The following ODAD2 variants were observed in gnomAD, a reference collection of about 807,000 sequenced individuals.
ODAD2 encodes outer dynein arm-docking complex subunit 2.
ODAD2 carries 89 observed loss-of-function variants against 106.8 expected under a neutral mutation model. That is an observed-to-expected ratio of 0.83 (90% CI 0.70 to 0.99). ODAD2 has a LOEUF of 0.99. Among genes scored for constraint, ODAD2 ranks in the 50% least tolerant of loss-of-function variants. The pLI is 0.00. For synonymous variants in ODAD2, 404 were observed against 436.2 expected (o/e 0.93, Z 0.92); for missense variants, 1,168 against 1,238.5 (o/e 0.94, Z 0.85).
chr10:27,882,350 A>T lies in ODAD2; in HGVS notation c.2611-19728T>A, dbSNP rs1841805808. ...TTTTAATGTGTAGCCAGGGTAGAGGATTACCTATCTGGATAATTTCTAAAA... is the reference window on the plus strand; with the variant it reads ...TTTTAATGTGTAGCCAGGGTAGAGGTTTACCTATCTGGATAATTTCTAAAA... On this transcript the variant is annotated intron_variant, in intron 17 of 19. Coordinates refer to ENST00000305242, the MANE Select transcript of ODAD2 (RefSeq NM_018076.5). 2.6e-5 allele frequency among the ~76,000 whole-genome samples: 4 copies of T among 151,996 alleles called. No individual in the cohort carries two copies. In the South Asian group the frequency reaches 8.3e-4, roughly 31 times the overall value.
intron 17 of ODAD2, among the ~76,000 whole-genome samples, chr10:27,902,003 A>G (rs1266405081): frequency 1.3e-5 from 2 of 152,208 alleles, no homozygotes; most frequent in Admixed American, 1.3e-4. Flanking sequence ...CAGAATATAC[A>G]TTCTTCTCAG....
At position 27,864,590 on chromosome 10, in the gene ODAD2, G is replaced by T. The variant is rs994705358; in HGVS notation, c.2611-1968C>A. On this transcript the variant is annotated intron_variant, in intron 17 of 19. Coordinates refer to ENST00000305242, the MANE Select transcript of ODAD2 (RefSeq NM_018076.5). ...GAGTGAGGTGAGAATGGGGAGTGAG[G>T]TGAGAGTGGGGAGTGAGGTGAGAGT... is the stretch of plus-strand genomic sequence containing the variant. 2.7e-5 allele frequency among the ~76,000 whole-genome samples: 4 copies of T among 150,714 alleles called. No individual in the cohort carries two copies. The East Asian group carries it at 8.0e-4, about 30-fold the overall frequency.
At chr10:27,885,714 T>TTA (rs1285456841) in intron 17 of ODAD2, among the ~76,000 whole-genome samples, 2 of 57,868 alleles carry the variant, frequency 3.5e-5, no homozygotes, top group Non-Finnish European at 3.0e-5. Context: ...AAAATATATA[T>TTA]TATATATTAT....
intron 17 of ODAD2, among the ~76,000 whole-genome samples, chr10:27,906,090 T>C (rs865968526): frequency 2.0e-5 from 3 of 152,082 alleles, no homozygotes; most frequent in Non-Finnish European, 4.4e-5. Flanking sequence ...ACCTACAGAA[T>C]GGGAAAAATT....
At chr10:27,829,342 T>C (rs1484413956) in intron 19 of ODAD2, among the ~76,000 whole-genome samples, 1 of 152,212 alleles carries the variant, frequency 6.6e-6, no homozygotes, top group Non-Finnish European at 1.5e-5. Flanking sequence ...TAACCTTAAG[T>C]GAAAGATTCT....
At chr10:27,927,654 C>T (rs1011973419) in intron 16 of ODAD2, among the ~76,000 whole-genome samples, 1 of 152,146 alleles carries the variant, frequency 6.6e-6, no homozygotes, top group Non-Finnish European at 1.5e-5. Flanking sequence ...TCTTACCAGG[C>T]CTTGCTATAG....
At chr10:27,847,007 G>C (rs906257716) in intron 19 of ODAD2, among the ~76,000 whole-genome samples, 4 of 152,106 alleles carry the variant, frequency 2.6e-5, no homozygotes, top group African/African-American at 9.7e-5. Flanking sequence ...AGGAGGAGCG[G>C]GGACCATTCC....
At chr10:27,886,556 G>A (rs2133652290) in intron 17 of ODAD2, among the ~76,000 whole-genome samples, 1 of 152,098 alleles carries the variant, frequency 6.6e-6, no homozygotes, top group East Asian at 1.9e-4. Context: ...ACAGTAACTT[G>A]AAGCCATACA....
intron 9 of ODAD2, among the ~76,000 whole-genome samples, chr10:27,962,338 T>G (rs1169469771): frequency 1.3e-5 from 2 of 152,224 alleles, no homozygotes; most frequent in Non-Finnish European, 2.9e-5. Context: ...TAGCCACATT[T>G]CAAGTGCTCA....
At chr10:27,862,294 G>A in intron 18 of ODAD2, 140 bp downstream of exon 18, 1 of 516,574 alleles carries the variant, frequency 1.9e-6, no homozygotes, top group Non-Finnish European at 3.3e-6. Context: ...AACTAAATGA[G>A]TTGACCAAAT....
At chr10:27,892,018 C>T (rs766132314) in intron 17 of ODAD2, among the ~76,000 whole-genome samples, 18 of 152,278 alleles carry the variant, frequency 1.2e-4, no homozygotes, top group Admixed American at 3.3e-4. Flanking sequence ...TAATACTGAA[C>T]ACCTGTTCAA....
chr10:27,971,413 A>G, intron 7 of ODAD2, 100 bp from the exon 8 acceptor site: 1 of 1,042,466 alleles, frequency 9.6e-7, no homozygotes, highest in South Asian at 1.7e-5. Flanking sequence ...GAAGTCTCGG[A>G]TGCATTTAAC....
chr10:27,939,295 A>G (rs868034373), intron 14 of ODAD2, among the ~76,000 whole-genome samples: 2 of 152,228 alleles, frequency 1.3e-5, no homozygotes, highest in Middle Eastern at 3.2e-3. Context: ...ACAAAGATGC[A>G]TAAGTGTCTT....
At chr10:27,959,192 AGGAGGGGAGGGGAGG>A (rs1209178121) in intron 10 of ODAD2, among the ~76,000 whole-genome samples, 6 of 17,014 alleles carry the variant, frequency 3.5e-4, no homozygotes, top group Non-Finnish European at 5.2e-4. Flanking sequence ...GGGAGTGGAG[AGGAGGGGAGGGGAGG>A]GGAGGGGAGG....
chr10:27,935,282 G>T (rs1564520902), intron 15 of ODAD2, 30 bp from the exon 16 acceptor site: 1 of 1,610,800 alleles, frequency 6.2e-7, no homozygotes, highest in Non-Finnish European at 8.5e-7. Flanking sequence ...GAGGAGAATT[G>T]GTTTTTGTAT....
intron 16 of ODAD2, among the ~76,000 whole-genome samples, chr10:27,922,254 T>C (rs529549006): frequency 3.2e-4 from 49 of 151,810 alleles, no homozygotes; most frequent in African/African-American, 1.2e-3. Context: ...GTCCACTGAG[T>C]ATTTTTAGCA....
At chr10:27,852,759 G>A (rs1002889305) in intron 19 of ODAD2, among the ~76,000 whole-genome samples, 1 of 151,630 alleles carries the variant, frequency 6.6e-6, no homozygotes, top group Non-Finnish European at 1.5e-5. Flanking sequence ...TCAGGAGTTC[G>A]AGACCAGCCT....
In ODAD2 at chr10:27,860,707, T is replaced by C. The variant is rs748172444; in HGVS notation, c.2939A>G (p.His980Arg). 3.1e-6 allele frequency: 5 copies of C among 1,614,198 alleles called. No individual in the cohort carries two copies. Among genetic ancestry groups the C allele is most frequent in the Middle Eastern group, 3.3e-4 (2 of 6,058 alleles). The change falls in exon 19 of 20, where the codon CAT (histidine) becomes CGT (arginine). Residue 980 changes from histidine to arginine, a missense_variant. This residue lies in a region of ODAD2 where 701 missense variants were observed against 712.3 expected (regional missense o/e 0.98). Coordinates refer to ENST00000305242, the MANE Select transcript of ODAD2 (RefSeq NM_018076.5). ...GTACAAGGCCTGAGCTGTCGCCCGA[T>C]GCACGTTGGTGTCATTTGATTTCAG... ...RYLKSNDTNV[H>R]RATAQALYQL...
At chr10:27,828,170 T>C (rs994551241) in intron 19 of ODAD2, among the ~76,000 whole-genome samples, 6 of 152,178 alleles carry the variant, frequency 3.9e-5, no homozygotes, top group African/African-American at 1.4e-4. Flanking sequence ...GATAGGGACA[T>C]CTCTGAAGTT....
Sources: allele counts gnomAD v4.1 joint callset (sites outside exome capture counted in the v4.1 genomes callset), GRCh38; gene constraint gnomAD v4.1.1; regional missense constraint gnomAD v4.1.1; transcripts MANE v1.5; gene names NCBI Gene and HGNC (gene_info 2026-07-23, HGNC 2026-07-21).